The following PHACTR4 variants were observed in gnomAD, a reference collection of about 807,000 sequenced individuals.
PHACTR4 encodes protein phosphatase 1, regulatory subunit 124.
A neutral mutation model predicts 72.7 loss-of-function variants in PHACTR4; 51 were observed. The ratio of observed to expected loss-of-function variants is 0.70; its 90% CI spans 0.56 to 0.89. The LOEUF (loss-of-function observed/expected upper bound fraction) is 0.89, where lower values mean the gene tolerates loss of function less well. PHACTR4 is among the 40% of genes least tolerant of loss of function. The pLI, the probability that PHACTR4 is intolerant of heterozygous loss-of-function variation, is 0.00. For missense variants in PHACTR4, 731 were observed against 861.8 expected (o/e 0.85, Z 1.90); for synonymous variants, 255 against 302.5 (o/e 0.84, Z 1.63).
intron 1 of PHACTR4, among the ~76,000 whole-genome samples, 152 bp from the exon 2 acceptor site, chr1:28,407,258 A>C (rs1267912706): frequency 1.4e-5 from 2 of 145,228 alleles, no homozygotes; most frequent in Non-Finnish European, 3.1e-5. Context: ...CAAAAAAAAA[A>C]AAAAAACTAT....
At chr1:28,414,016 T>A (rs1169668705) in intron 2 of PHACTR4, among the ~76,000 whole-genome samples, 1 of 152,218 alleles carries the variant, frequency 6.6e-6, no homozygotes, top group Non-Finnish European at 1.5e-5. Flanking sequence ...GCATTAATTA[T>A]GCATATTTTC....
chr1:28,395,342 C>T (rs1569811494), intron 1 of PHACTR4, among the ~76,000 whole-genome samples: 4 of 152,248 alleles, frequency 2.6e-5, no homozygotes, highest in Admixed American at 2.6e-4. Context: ...TGATGAATTG[C>T]CCTTCCTGTG....
rs954691778 is a variant in PHACTR4, at chr1:28,442,776, G to A, written c.17-16309G>A. 4.0e-5 allele frequency among the ~76,000 whole-genome samples: 6 copies of A among 151,882 alleles called. No individual in the cohort carries two copies. In the East Asian group the frequency reaches 5.8e-4, roughly 15 times the overall value. On this transcript the variant is annotated intron_variant, in intron 2 of 13. Transcript: ENST00000373839. ...CTGCCTTGGCTTCCCAAAGTGCTGGGATTACAAGTGTGAGCCACTGTGCCT... is the reference window on the plus strand; with the variant it reads ...CTGCCTTGGCTTCCCAAAGTGCTGGAATTACAAGTGTGAGCCACTGTGCCT...
chr1:28,432,433 A>G (rs373362264), intron 2 of PHACTR4, among the ~76,000 whole-genome samples: 12 of 145,222 alleles, frequency 8.3e-5, no homozygotes, highest in South Asian at 2.2e-4. Flanking sequence ...TCTTGAGTCC[A>G]GGAGTTTGAG....
chr1:28,470,393 TAAAAA>T (rs889675274), intron 6 of PHACTR4, among the ~76,000 whole-genome samples: 1 of 149,212 alleles, frequency 6.7e-6, no homozygotes, highest in Admixed American at 6.7e-5. Context: ...ATCCTGTCTC[TAAAAA>T]AAAAGAAAAG....
At chr1:28,466,301 CA>C (rs1352574416) in intron 5 of PHACTR4, 80 bp from the exon 6 acceptor site, 1 of 1,465,430 alleles carries the variant, frequency 6.8e-7, no homozygotes, top group Non-Finnish European at 9.2e-7. Flanking sequence ...AAATTGGCCA[CA>C]AATTCATAGA....
intron 9 of PHACTR4, among the ~76,000 whole-genome samples, chr1:28,483,989 G>A (rs959578030): frequency 6.6e-6 from 1 of 151,820 alleles, no homozygotes; most frequent in African/African-American, 2.4e-5. Flanking sequence ...CCAGGAGTTT[G>A]AGACCAGCCT....
intron 2 of PHACTR4, among the ~76,000 whole-genome samples, chr1:28,450,835 G>A (rs1657893916): frequency 6.6e-6 from 1 of 150,390 alleles, no homozygotes; most frequent in Admixed American, 6.6e-5. Context: ...TTTTGAGAGG[G>A]AGTCTTGCTC....
At chr1:28,419,259 C>T (rs1655340842) in intron 2 of PHACTR4, among the ~76,000 whole-genome samples, 1 of 151,704 alleles carries the variant, frequency 6.6e-6, no homozygotes, top group Admixed American at 6.6e-5. Context: ...GCCAGGATTA[C>T]AGGCGTGAGC....
At chr1:28,384,153 G>T (rs1408571342) in intron 1 of PHACTR4, among the ~76,000 whole-genome samples, 1 of 152,110 alleles carries the variant, frequency 6.6e-6, no homozygotes, top group East Asian at 1.9e-4. Context: ...CCAAGTTTTG[G>T]TATCAGGATG....
At chr1:28,493,262 G>A (rs1265318895) in intron 13 of PHACTR4, among the ~76,000 whole-genome samples, 171 bp downstream of exon 13, 1 of 152,202 alleles carries the variant, frequency 6.6e-6, no homozygotes, top group Non-Finnish European at 1.5e-5. Context: ...CCTAGGCCAG[G>A]TGCGGTGGCT....
At chr1:28,466,879 T>C (rs1659215300) in intron 6 of PHACTR4, 111 bp downstream of exon 6, 3 of 1,439,420 alleles carry the variant, frequency 2.1e-6, no homozygotes, top group African/African-American at 1.4e-5. Flanking sequence ...TTTCCATATC[T>C]TGTCCCTTTG....
At chr1:28,397,857 T>C (rs1653631691) in intron 1 of PHACTR4, among the ~76,000 whole-genome samples, 1 of 151,800 alleles carries the variant, frequency 6.6e-6, no homozygotes, top group African/African-American at 2.4e-5. Flanking sequence ...CACCATGCCC[T>C]GCTAATTTTT....
chr1:28,393,769 A>G (rs942920537), intron 1 of PHACTR4, among the ~76,000 whole-genome samples: 1 of 151,952 alleles, frequency 6.6e-6, no homozygotes, highest in African/African-American at 2.4e-5. Flanking sequence ...GCAATGGCAC[A>G]ATTAGGGCTC....
intron 6 of PHACTR4, among the ~76,000 whole-genome samples, chr1:28,471,978 G>A (rs562543804): frequency 2.0e-5 from 3 of 151,984 alleles, no homozygotes; most frequent in Non-Finnish European, 4.4e-5. Flanking sequence ...TTGGGAGGCC[G>A]AGGCGGGCGG....
intron 2 of PHACTR4, among the ~76,000 whole-genome samples, chr1:28,433,455 TTTTTTTC>T (rs1280969082): frequency 3.0e-5 from 4 of 132,612 alleles, no homozygotes; most frequent in African/African-American, 5.9e-5. Flanking sequence ...CTTTTTTTTC[TTTTTTTC>T]TTTTTTTTTT....
intron 2 of PHACTR4, among the ~76,000 whole-genome samples, chr1:28,456,995 C>A (rs750291334): frequency 2.0e-5 from 3 of 152,042 alleles, no homozygotes; most frequent in Non-Finnish European, 4.4e-5. Flanking sequence ...GTAATTGAGA[C>A]CCAGAATGTC....
At chr1:28,439,618 A>G (rs1424865634) in intron 2 of PHACTR4, among the ~76,000 whole-genome samples, 1 of 152,218 alleles carries the variant, frequency 6.6e-6, no homozygotes, top group Non-Finnish European at 1.5e-5. Flanking sequence ...TGTTTCATAA[A>G]TAGAAAAAGG....
chr1:28,375,119 C>T (rs1482949582), intron 1 of PHACTR4, among the ~76,000 whole-genome samples: 1 of 152,028 alleles, frequency 6.6e-6, no homozygotes, highest in African/African-American at 2.4e-5. Context: ...GCCAACATGG[C>T]GAAACCCCAT....
Sources: allele counts gnomAD v4.1 joint callset (sites outside exome capture counted in the v4.1 genomes callset), GRCh38; gene constraint gnomAD v4.1.1; transcripts MANE v1.5; gene names NCBI Gene and HGNC (gene_info 2026-07-23, HGNC 2026-07-21).